Variants in PID1 observed in about 807,000 individuals in gnomAD.
The protein encoded by PID1 is PTB-containing, cubilin and LRP1-interacting protein.
PID1 carries 10 observed loss-of-function variants against 19.1 expected under a neutral mutation model. That is an observed-to-expected ratio of 0.52 (90% confidence interval 0.32 to 0.89). The LOEUF is 0.89. PID1 is among the 40% of genes least tolerant of loss of function. The pLI is 0.03. For synonymous variants in PID1, 130 were observed against 116.0 expected, an observed-to-expected ratio of 1.12 and a Z score of -0.78; for missense variants, 248 against 285.3, an observed-to-expected ratio of 0.87 and a Z score of 0.94.
At chr2:229,167,107 C>G (rs1424099998) in intron 1 of PID1, among the ~76,000 whole-genome samples, 1 of 151,696 alleles carries the variant, frequency 6.6e-6, no homozygotes, top group African/African-American at 2.4e-5. Context: ...CTCATCCTTA[C>G]AGTAAAGTTA....
At chr2:229,140,097 T>C (rs892797505) in intron 2 of PID1, among the ~76,000 whole-genome samples, 5 of 152,158 alleles carry the variant, frequency 3.3e-5, no homozygotes, top group Non-Finnish European at 7.3e-5. Flanking sequence ...CCCCAAAGTA[T>C]GCTATGTCCA....
At chr2:229,075,101 A>G (rs551724930) in intron 2 of PID1, among the ~76,000 whole-genome samples, 4 of 152,352 alleles carry the variant, frequency 2.6e-5, no homozygotes, top group Admixed American at 6.5e-5. Context: ...GAACACTTGC[A>G]TTAGTTTACA....
chr2:229,102,796 C>A (rs1465027576), intron 2 of PID1, among the ~76,000 whole-genome samples: 3 of 152,194 alleles, frequency 2.0e-5, no homozygotes, highest in Non-Finnish European at 4.4e-5. Flanking sequence ...TCACAGAGTG[C>A]CCTGGAAGGA....
intron 2 of PID1, among the ~76,000 whole-genome samples, chr2:229,128,388 G>A (rs952066429): frequency 4.6e-5 from 7 of 152,152 alleles, no homozygotes; most frequent in African/African-American, 7.2e-5. Flanking sequence ...CAGTAATTAG[G>A]GAAAGGCTCT....
chr2:229,090,176 C>T (rs1694843514), intron 2 of PID1, among the ~76,000 whole-genome samples: 1 of 152,264 alleles, frequency 6.6e-6, no homozygotes, highest in South Asian at 2.1e-4. Context: ...AGAACACCTG[C>T]CTATTCCTAA....
chr2:229,166,853 C>T (rs1323186774), intron 1 of PID1, among the ~76,000 whole-genome samples: 1 of 151,880 alleles, frequency 6.6e-6, no homozygotes, highest in Non-Finnish European at 1.5e-5. Flanking sequence ...CCTGAAATAG[C>T]TCTCAACTTG....
At chr2:229,238,850 G>A (rs2106274395) in intron 1 of PID1, among the ~76,000 whole-genome samples, 1 of 152,128 alleles carries the variant, frequency 6.6e-6, no homozygotes, top group Non-Finnish European at 1.5e-5. Context: ...TAAACACCTT[G>A]ACTTTGGCTA....
intron 1 of PID1, among the ~76,000 whole-genome samples, chr2:229,255,285 A>T (rs1485660705): frequency 6.6e-6 from 1 of 152,226 alleles, no homozygotes; most frequent in African/African-American, 2.4e-5. Context: ...TGTTTATGCT[A>T]AAAATCATCA....
rs571258737 is a variant in PID1 at position 229,130,416 on chromosome 2, T to C, written c.177+25402A>G. 3.3e-5 allele frequency among the ~76,000 whole-genome samples: 5 copies of C among 152,364 alleles called. No individual in the cohort carries two copies. In the South Asian group the frequency reaches 1.0e-3, roughly 32 times the overall value. ...TCTGCCTTTCTGGAAAGTTCTGAGT[T>C]TACTTTTTTAAAGAAAACATAGAAA... On this transcript the variant is annotated intron_variant, in intron 2 of 2. Transcript: ENST00000392055.
At chr2:229,213,263 G>A (rs947248512) in intron 1 of PID1, among the ~76,000 whole-genome samples, 1 of 152,118 alleles carries the variant, frequency 6.6e-6, no homozygotes, top group African/African-American at 2.4e-5. Flanking sequence ...ATAGGGCCCA[G>A]CACACAGAGG....
chr2:229,222,629 C>T (rs1691995485), intron 1 of PID1, among the ~76,000 whole-genome samples: 1 of 151,770 alleles, frequency 6.6e-6, no homozygotes, highest in Non-Finnish European at 1.5e-5. Flanking sequence ...GGTTGTCCTC[C>T]CCAGGGTACA....
chr2:229,215,622 G>C (rs937260961), intron 1 of PID1, among the ~76,000 whole-genome samples: 1 of 152,074 alleles, frequency 6.6e-6, no homozygotes, highest in Non-Finnish European at 1.5e-5. Context: ...ACCACCATGG[G>C]GAGTTCCCAT....
chr2:229,066,606 T>A (rs1694332220), intron 2 of PID1, among the ~76,000 whole-genome samples: 1 of 152,120 alleles, frequency 6.6e-6, no homozygotes, highest in African/African-American at 2.4e-5. Flanking sequence ...AGTGTGATGA[T>A]ACTTGGGCTG....
At chr2:229,214,442 G>A (rs1197063953) in intron 1 of PID1, among the ~76,000 whole-genome samples, 1 of 152,132 alleles carries the variant, frequency 6.6e-6, no homozygotes, top group East Asian at 1.9e-4. Context: ...TTCTTAAGAA[G>A]TAGATCCTGA....
At chr2:229,082,565 G>A (rs1694688599) in intron 2 of PID1, among the ~76,000 whole-genome samples, 1 of 152,206 alleles carries the variant, frequency 6.6e-6, no homozygotes, top group South Asian at 2.1e-4. Flanking sequence ...CAGAGAGACT[G>A]GAAGTGTGAA....
chr2:229,214,853 T>TAC (rs201212588), intron 1 of PID1, among the ~76,000 whole-genome samples: 2,171 of 148,920 alleles, frequency 0.015, 31 homozygotes, highest in African/African-American at 0.044. Context: ...TTTATATAGA[T>TAC]ACACACACAC....
chr2:229,044,242 A>G (rs1693829906), intron 2 of PID1, among the ~76,000 whole-genome samples: 1 of 151,924 alleles, frequency 6.6e-6, no homozygotes, highest in African/African-American at 2.4e-5. Context: ...CCATCACCTG[A>G]CGCATGAGGA....
chr2:229,115,460 G>A (rs188585968), intron 2 of PID1, among the ~76,000 whole-genome samples: 339 of 148,100 alleles, frequency 2.3e-3, no homozygotes, highest in Non-Finnish European at 4.2e-3. Flanking sequence ...AAAAAATGAA[G>A]AAAAACAAAA....
At chr2:229,084,394 T>A (rs193240821) in intron 2 of PID1, among the ~76,000 whole-genome samples, 29 of 152,292 alleles carry the variant, frequency 1.9e-4, no homozygotes, top group Non-Finnish European at 3.4e-4. Context: ...TGCCAATAAG[T>A]GGCAGGAAAA....
Sources: allele counts gnomAD v4.1 joint callset (sites outside exome capture counted in the v4.1 genomes callset), GRCh38; gene constraint gnomAD v4.1.1; transcripts MANE v1.5; gene names NCBI Gene and HGNC (gene_info 2026-07-23, HGNC 2026-07-21).